Variants in NLRP1 observed in about 807,000 individuals in gnomAD.
The protein encoded by NLRP1 is NLR family pyrin domain containing 1, also known as NACHT, LRR and PYD domains-containing protein 1.
NLRP1 carries 94 observed loss-of-function variants against 136.7 expected under a neutral mutation model. The ratio of observed to expected loss-of-function variants is 0.69; its 90% confidence interval spans 0.58 to 0.82. The LOEUF (loss-of-function observed/expected upper bound fraction) is 0.82. NLRP1 is among the 40% of genes least tolerant of loss of function. The pLI is 0.00. For synonymous variants in NLRP1, 690 were observed against 725.1 expected (o/e 0.95, Z 0.78); for missense variants, 1,575 against 1,802.7 (o/e 0.87, Z 2.29).
chr17:5,541,951 C>T lies in NLRP1; in HGVS notation c.2605G>A (p.Glu869Lys), dbSNP rs146505967. Residue 869 changes from glutamate (E) to lysine (K), a missense_variant, in exon 6 of 17, where the codon GAG (glutamate) becomes AAG (lysine). Physicochemically the swap from Glu to Lys is moderately conservative, Grantham distance 56. Transcript: ENST00000572272. The surrounding 1 kb of genome is among the most constrained non-coding windows in gnomAD (Gnocchi z 4.2). ...AGCACATTGAAGCTCAGGTCCAGCT[C>T]GGTCAGGGTCTGGTTGGCTCTCAGC... ...FGLRANQTLT[E>K]LDLSFNVLTD... The T allele has an allele frequency of 1.1e-3, 1,744 of 1,614,162 alleles. 3 individuals are homozygous for T. Among genetic ancestry groups the T allele is most frequent in the Non-Finnish European group, 9.2e-4 (1,086 of 1,180,010 alleles).
chr17:5,551,592 G>A (rs1428005154), intron 5 of NLRP1, among the ~76,000 whole-genome samples: 1 of 152,174 alleles, frequency 6.6e-6, no homozygotes, highest in African/African-American at 2.4e-5. Context: ...TTGTTTTGTA[G>A]AAAACTGCTA....
At chr17:5,507,188 C>T (rs1597386128) in intron 15 of NLRP1, among the ~76,000 whole-genome samples, 2 of 152,006 alleles carry the variant, frequency 1.3e-5, no homozygotes, top group Admixed American at 6.6e-5. Flanking sequence ...CGTTGCACGT[C>T]GAGGTGAATG....
intron 5 of NLRP1, among the ~76,000 whole-genome samples, chr17:5,552,641 A>G (rs1428250151): frequency 6.6e-6 from 1 of 152,092 alleles, no homozygotes; most frequent in Non-Finnish European, 1.5e-5. Flanking sequence ...TTTTTCCTAA[A>G]TTCAATCCAT....
At chr17:5,515,835 C>A (rs79435798) in intron 15 of NLRP1, among the ~76,000 whole-genome samples, 13,243 of 152,170 alleles carry the variant, frequency 0.087, 634 homozygotes, top group Non-Finnish European at 0.096. Flanking sequence ...TGAATTGTAT[C>A]CCTGGTGAAC....
chr17:5,568,864 C>T lies in NLRP1; in HGVS notation c.653-8821G>A, dbSNP rs181110839. 9.2e-5 allele frequency among the ~76,000 whole-genome samples: 14 copies of T among 152,260 alleles called. No homozygotes were observed. In the East Asian group the frequency reaches 2.3e-3, roughly 25 times the overall value. ...AATTATCTAGGTTACCAGGCAGAGA[C>T]TCTTGTTCTCTTTCCTTACTTTCTG... On this transcript the variant is annotated intron_variant, in intron 3 of 16. Transcript: ENST00000572272.
Position 5,581,893 on chromosome 17 carries a change from C to A in NLRP1, c.618G>T (p.Trp206Cys). 1 of 1,613,230 alleles carries A rather than the reference C, an allele frequency of 6.2e-7. No homozygotes were observed. The highest frequency in any genetic ancestry group is 8.5e-7 in the Non-Finnish European group (1 of 1,179,972). ...AAATTCCTGACGTTTCATCCAGAGG[C>A]CATTGGGTCCCAGGAGCCTCCTGCT... Reference protein sequence around the residue: ...PREQEAPGTQWPLDETSGIYY... With the variant: ...PREQEAPGTQCPLDETSGIYY... Residue 206 changes from tryptophan (W) to cysteine (C), a missense_variant, in exon 3 of 17, where the codon TGG becomes TGT. Coordinates refer to ENST00000572272, the MANE Select transcript of NLRP1 (RefSeq NM_033004.4).
chr17:5,543,227 T>C (rs1912110062), intron 5 of NLRP1, among the ~76,000 whole-genome samples: 1 of 152,066 alleles, frequency 6.6e-6, no homozygotes, highest in Non-Finnish European at 1.5e-5. Flanking sequence ...TGAAATAGCC[T>C]CAAAAGAGGG....
intron 15 of NLRP1, among the ~76,000 whole-genome samples, chr17:5,506,870 C>G (rs1907364631): frequency 6.8e-6 from 1 of 146,216 alleles, no homozygotes; most frequent in Non-Finnish European, 1.5e-5. Flanking sequence ...CCACTGCACT[C>G]CAGCCTGGGC....
At chr17:5,529,014 T>G (rs997396818) in intron 12 of NLRP1, among the ~76,000 whole-genome samples, 4 of 152,242 alleles carry the variant, frequency 2.6e-5, no homozygotes, top group African/African-American at 9.6e-5. Flanking sequence ...CACATCAGAT[T>G]CTTCTAACTT....
In NLRP1 at chr17:5,536,886, C is replaced by T; in HGVS notation, c.2925G>A (p.Glu975=). Residue 975 remains glutamate, a synonymous_variant, in exon 8 of 17, where the codon GAG becomes GAA. Transcript: ENST00000572272. ...DEMRQELRAL[E]QEKPQLLIFS... ...AGATGAGCAGCTGAGGTTTCTCCTG[C>T]TCCAGGGCCCTCAGTTCCTGCCTCA... 6.2e-7 allele frequency: 1 copy of T among 1,613,794 alleles called. No individual in the cohort carries two copies. Among genetic ancestry groups the T allele is most frequent in the Non-Finnish European group, 8.5e-7 (1 of 1,179,692 alleles).
chr17:5,556,161 C>CACATAT lies in NLRP1; in HGVS notation c.2357+2177_2357+2178insATATGT, dbSNP rs908575596. On this transcript the variant is annotated intron_variant, in intron 4 of 16. Coordinates refer to ENST00000572272, the MANE Select transcript of NLRP1 (RefSeq NM_033004.4). ...ACACACACACACACACACACACACA[C>CACATAT]ATGAAGGGCTGGGCATGGTGGCTCA... 7.4e-3 allele frequency among the ~76,000 whole-genome samples: 882 copies of CACATAT among 118,404 alleles called. 16 individuals carry two copies. Among genetic ancestry groups the CACATAT allele is most frequent in the African/African-American group, 0.025 (775 of 31,546 alleles). The allele number at this position is 118,404 out of a possible 152,430, so 77.7% of individuals were successfully genotyped here. A position where few individuals can be genotyped will look rare whatever the true frequency, so the allele number is the denominator to read the frequency against.
chr17:5,553,543 G>T lies in NLRP1; in HGVS notation c.2371C>A (p.Pro791Thr). Residue 791 changes from proline (P) to threonine (T), a missense_variant, in exon 5 of 17, where the codon CCA (proline) becomes ACA (threonine). By Grantham distance (38) the Pro-to-Thr change is conservative. Transcript: ENST00000572272. The stretch of plus-strand genomic sequence containing the variant: ...ATCTGCCAATAGGCATCTGTGACTG[G>T]GACCCACCTGAACCTGAGGGGGAGA... ...PTMVVLFRWV[P>T]VTDAYWQILF... 6.2e-7 allele frequency: 1 copy of T among 1,613,910 alleles called. No homozygotes were observed. The highest frequency in any genetic ancestry group is 8.5e-7 in the Non-Finnish European group (1 of 1,179,866).
At chr17:5,517,515 G>C (rs1450670303) in intron 15 of NLRP1, among the ~76,000 whole-genome samples, 1 of 152,112 alleles carries the variant, frequency 6.6e-6, no homozygotes, top group Non-Finnish European at 1.5e-5. Flanking sequence ...AGCCTCCTGA[G>C]TAGCTGGGAC....
chr17:5,560,183 G>T, intron 3 of NLRP1, 140 bp from the exon 4 acceptor site: 1 of 763,828 alleles, frequency 1.3e-6, no homozygotes, highest in Non-Finnish European at 2.0e-6. Flanking sequence ...GCCATGCGGC[G>T]GAAGGACATG....
chr17:5,517,974 C>T (rs2151736915), intron 14 of NLRP1, 87 bp from the exon 15 acceptor site: 3 of 1,313,856 alleles, frequency 2.3e-6, no homozygotes, highest in South Asian at 1.2e-5. Context: ...CCCTGCTTGG[C>T]TCCATAAGGA....
chr17:5,532,919 C>A lies in NLRP1; in HGVS notation c.3199G>T (p.Asp1067Tyr), dbSNP rs1258773668. The change falls in exon 11 of 17, where the codon GAC (aspartate) becomes TAC (tyrosine). Residue 1067 changes from aspartate (D) to tyrosine (Y), a missense_variant. Coordinates refer to ENST00000572272, the MANE Select transcript of NLRP1 (RefSeq NM_033004.4). The part of the protein sequence containing the change: ...LCVPSPASQG[D>Y]LHTKPLGTDD... Reference sequence around the variant, plus strand: ...GTCCCCAAAGGCTTCGTATGCAGGTCCCCTTGAGAGGCAGGAGAAGGCACG... The same window carrying A: ...GTCCCCAAAGGCTTCGTATGCAGGTACCCTTGAGAGGCAGGAGAAGGCACG... 6.2e-7 allele frequency: 1 copy of A among 1,613,928 alleles called. No individual in the cohort carries two copies. The highest frequency in any genetic ancestry group is 1.7e-5 in the Admixed American group (1 of 59,990).
At position 5,583,543 on chromosome 17, in the gene NLRP1, G is replaced by C. The variant is rs1446962717; in HGVS notation, c.271+144C>G. 10 of 866,206 alleles carry C rather than the reference G, an allele frequency of 1.2e-5. No individual in the cohort carries two copies. Among genetic ancestry groups the C allele is most frequent in the South Asian group, 3.6e-5 (2 of 55,568 alleles). 53.7% of individuals were successfully genotyped at this position (866,206 alleles called of 1,614,324 possible). A position where few individuals can be genotyped will look rare whatever the true frequency, so the allele number is the denominator to read the frequency against. ...TGGCTCCAGCATAGTCTGGGGCCTGGATCCCCCTTTGAGAGGGCAGTTCCA... is the reference window on the plus strand; with the variant it reads ...TGGCTCCAGCATAGTCTGGGGCCTGCATCCCCCTTTGAGAGGGCAGTTCCA... On this transcript the variant is annotated intron_variant, in intron 1 of 16. Coordinates refer to ENST00000572272, the MANE Select transcript of NLRP1 (RefSeq NM_033004.4). The surrounding 1 kb of genome is among the most constrained non-coding windows in gnomAD (Gnocchi z 4.5).
chr17:5,516,579 G>A (rs747651238), intron 15 of NLRP1, among the ~76,000 whole-genome samples: 1 of 152,226 alleles, frequency 6.6e-6, no homozygotes, highest in Non-Finnish European at 1.5e-5. Context: ...GCTACGATTT[G>A]TTAAGGATTA....
At chr17:5,580,004 T>C (rs1358174592) in intron 3 of NLRP1, among the ~76,000 whole-genome samples, 2 of 151,940 alleles carry the variant, frequency 1.3e-5, no homozygotes, top group East Asian at 3.9e-4. Context: ...GTGGCTGAGG[T>C]GGGTGGATCA....
Sources: gnomAD v4.1 joint callset for allele counts (sites outside exome capture counted in the v4.1 genomes callset) on GRCh38, gnomAD v4.1.1 for gene constraint, Gnocchi (gnomAD v3.1) non-coding constraint, MANE v1.5 for transcripts, NCBI Gene and HGNC (gene_info 2026-07-23, HGNC 2026-07-21) for gene names.